Variants in POU6F2 observed in about 807,000 individuals in gnomAD.
POU6F2 encodes POU domain, class 6, transcription factor 2.
In POU6F2, 31 loss-of-function variants were observed where a neutral mutation model predicts 71.3. The ratio of observed to expected loss-of-function variants is 0.43; its 90% CI spans 0.33 to 0.59. POU6F2 has a LOEUF of 0.59. Among genes scored for constraint, POU6F2 ranks in the 20% least tolerant of loss-of-function variants. The probability of loss-of-function intolerance (pLI) is 0.04; values close to 1 mark genes in which losing one functional copy is unlikely to be tolerated. For missense variants in POU6F2, 783 were observed against 856.8 expected, an observed-to-expected ratio of 0.91 and a Z score of 1.07; for synonymous variants, 347 against 355.7, an observed-to-expected ratio of 0.98 and a Z score of 0.27.
At chr7:39,069,024 A>G (rs1790819732) in intron 1 of POU6F2, among the ~76,000 whole-genome samples, 1 of 152,162 alleles carries the variant, frequency 6.6e-6, no homozygotes, top group South Asian at 2.1e-4. Context: ...AAAATTGTGG[A>G]GAGTGGACCA....
intron 2 of POU6F2, among the ~76,000 whole-genome samples, chr7:39,097,640 A>T (rs1791481878): frequency 1.3e-5 from 2 of 152,252 alleles, no homozygotes; most frequent in Admixed American, 1.3e-4. Flanking sequence ...AACATGGAAC[A>T]GTGAATTGAT....
chr7:39,454,045 T>G (rs1788726470), intron 8 of POU6F2, among the ~76,000 whole-genome samples: 1 of 152,198 alleles, frequency 6.6e-6, no homozygotes, highest in African/African-American at 2.4e-5. Flanking sequence ...ACAGAATGAA[T>G]AGTACATGAA....
chr7:39,134,531 TTACTGTCTTGAAAGTGTGGTC>T (rs1584560686), intron 2 of POU6F2, among the ~76,000 whole-genome samples: 2 of 152,366 alleles, frequency 1.3e-5, no homozygotes, highest in East Asian at 3.9e-4. Context: ...TGGAGCTCAG[TTACTGTCTTGAAAGTGTGGTC>T]TAAACTTTAA....
chr7:38,989,717 T>C (rs1788553082), intron 1 of POU6F2, among the ~76,000 whole-genome samples: 2 of 151,846 alleles, frequency 1.3e-5, no homozygotes, highest in East Asian at 1.9e-4. Flanking sequence ...AAATAAAATA[T>C]ATCCTGAGAA....
At chr7:39,368,690 G>A (rs752269857) in intron 5 of POU6F2, among the ~76,000 whole-genome samples, 2 of 152,186 alleles carry the variant, frequency 1.3e-5, no homozygotes, top group African/African-American at 2.4e-5. Context: ...CCTATTAGGG[G>A]CTAATGAAGC....
intron 1 of POU6F2, among the ~76,000 whole-genome samples, chr7:38,999,430 A>G (rs1229015): frequency 0.16 from 24,162 of 152,194 alleles, 2,368 homozygotes; most frequent in Middle Eastern, 0.24. Context: ...CAGAACTTAC[A>G]GCTCCCATAG....
At chr7:39,455,900 G>C (rs1788790101) in intron 8 of POU6F2, among the ~76,000 whole-genome samples, 1 of 152,114 alleles carries the variant, frequency 6.6e-6, no homozygotes, top group South Asian at 2.1e-4. Context: ...ATGCATCCCA[G>C]GCTTGATTTT....
intron 4 of POU6F2, among the ~76,000 whole-genome samples, chr7:39,279,396 G>A (rs73695240): frequency 0.074 from 11,197 of 152,242 alleles, 566 homozygotes; most frequent in South Asian, 0.22. Context: ...CTGCATCTGC[G>A]AAATAGGAGA....
intron 4 of POU6F2, among the ~76,000 whole-genome samples, chr7:39,261,065 G>GCACA (rs72377948): frequency 5.1e-4 from 76 of 147,980 alleles, no homozygotes; most frequent in African/African-American, 1.1e-3. Context: ...ATACACACAT[G>GCACA]CACACACACA....
chr7:39,055,757 C>T (rs771884940), intron 1 of POU6F2, among the ~76,000 whole-genome samples: 6 of 151,926 alleles, frequency 3.9e-5, no homozygotes, highest in Admixed American at 6.6e-5. Flanking sequence ...ATAGTAGATT[C>T]CTTCTAGATA....
intron 5 of POU6F2, among the ~76,000 whole-genome samples, chr7:39,388,324 T>TC (rs1313477890): frequency 1.6e-5 from 2 of 127,378 alleles, no homozygotes; most frequent in Non-Finnish European, 3.3e-5. Context: ...TGATTTTCTT[T>TC]CTTTTTTTTG....
chr7:39,410,760 TATC>T (rs531176741), intron 6 of POU6F2, among the ~76,000 whole-genome samples: 133 of 152,260 alleles, frequency 8.7e-4, no homozygotes, highest in Non-Finnish European at 1.2e-3. Flanking sequence ...ATTGCATAAT[TATC>T]ATCATCATCA....
intron 1 of POU6F2, among the ~76,000 whole-genome samples, chr7:39,076,621 G>A (rs993634571): frequency 6.6e-6 from 1 of 152,144 alleles, no homozygotes; most frequent in Non-Finnish European, 1.5e-5. Flanking sequence ...TGCAATATGG[G>A]CAGATCTGTG....
At chr7:39,003,653 G>T (rs1788977287) in intron 1 of POU6F2, among the ~76,000 whole-genome samples, 1 of 151,802 alleles carries the variant, frequency 6.6e-6, no homozygotes, top group African/African-American at 2.4e-5. Context: ...GGAGGCTGAG[G>T]CAGGAGAATG....
At chr7:39,422,548 G>A (rs1310931374) in intron 6 of POU6F2, among the ~76,000 whole-genome samples, 3 of 152,284 alleles carry the variant, frequency 2.0e-5, no homozygotes, top group South Asian at 2.1e-4. Context: ...TTTTGGGAGC[G>A]TGATGGAGCT....
intron 6 of POU6F2, among the ~76,000 whole-genome samples, chr7:39,419,171 A>T (rs998951101): frequency 6.9e-6 from 1 of 145,350 alleles, no homozygotes; most frequent in Non-Finnish European, 1.5e-5. Context: ...ATACACATAT[A>T]TATACGTATA....
intron 2 of POU6F2, among the ~76,000 whole-genome samples, chr7:39,166,959 G>C (rs914523277): frequency 6.6e-6 from 1 of 152,142 alleles, no homozygotes; most frequent in Non-Finnish European, 1.5e-5. Context: ...TTGTGGGTTT[G>C]GCTATTAACT....
At chr7:39,014,874 T>G (rs576017379) in intron 1 of POU6F2, among the ~76,000 whole-genome samples, 1 of 152,310 alleles carries the variant, frequency 6.6e-6, no homozygotes, top group East Asian at 1.9e-4. Context: ...CTTCTTAGTT[T>G]CCTTTTGGCA....
At chr7:39,398,105 G>A (rs1484052123) in intron 5 of POU6F2, among the ~76,000 whole-genome samples, 2 of 151,886 alleles carry the variant, frequency 1.3e-5, no homozygotes, top group African/African-American at 2.4e-5. Context: ...ATATTAAAGA[G>A]TGAAGCTCCC....
Sources: allele counts gnomAD v4.1 joint callset (sites outside exome capture counted in the v4.1 genomes callset), GRCh38; gene constraint gnomAD v4.1.1; transcripts MANE v1.5; gene names NCBI Gene and HGNC (gene_info 2026-07-23, HGNC 2026-07-21).